Variants in MAF observed in about 807,000 individuals in gnomAD.
MAF encodes the protein transcription factor Maf.
Under a neutral mutation model 22.0 loss-of-function variants are expected in MAF, and 10 were observed. The observed-to-expected ratio is 0.45, with a 90% CI of 0.28 to 0.77. The LOEUF (loss-of-function observed/expected upper bound fraction) is 0.77, where lower values mean the gene tolerates loss of function less well. Among genes scored for constraint, MAF ranks in the 30% least tolerant of loss-of-function variants. The pLI, the probability that MAF is intolerant of heterozygous loss-of-function variation, is 0.12. For missense variants in MAF, 544 were observed against 548.4 expected (o/e 0.99, Z 0.08); for synonymous variants, 337 against 255.8 (o/e 1.32, Z -3.03).
the MAF span, among the ~76,000 whole-genome samples, chr16:79,263,254 T>A: frequency 6.6e-6 from 1 of 152,328 alleles, no homozygotes; most frequent in South Asian, 2.1e-4. Context: ...TCATTGCAAC[T>A]TTCTCACGTT....
the MAF span, chr16:79,211,779 GGCA>G: frequency 4.0e-5 from 65 of 1,613,828 alleles, no homozygotes; most frequent in Non-Finnish European, 4.8e-5. Flanking sequence ...AGAACGGCTT[GGCA>G]GCCAGTCCGG....
the MAF span, among the ~76,000 whole-genome samples, chr16:79,447,821 G>C: frequency 6.8e-6 from 1 of 147,528 alleles, no homozygotes; most frequent in Non-Finnish European, 1.5e-5. Context: ...TTGAGCCCAG[G>C]AGGTGGAGGA....
the MAF span, among the ~76,000 whole-genome samples, chr16:79,234,869 C>G: frequency 6.6e-6 from 1 of 152,082 alleles, no homozygotes; most frequent in African/African-American, 2.4e-5. Context: ...GGGATAGGAG[C>G]AGACCCAGAA....
At chr16:79,313,542 TCAAA>T in the MAF span, among the ~76,000 whole-genome samples, 3 of 152,186 alleles carry the variant, frequency 2.0e-5, no homozygotes, top group Non-Finnish European at 4.4e-5. Context: ...CATTTTGTTC[TCAAA>T]CACTCTGAAT....
At chr16:79,289,169 G>A in the MAF span, among the ~76,000 whole-genome samples, 1 of 152,156 alleles carries the variant, frequency 6.6e-6, no homozygotes, top group African/African-American at 2.4e-5. Flanking sequence ...AGATTGTGGA[G>A]AAACACTGTA....
chr16:79,563,913 C>T, the MAF span, among the ~76,000 whole-genome samples: 28 of 152,358 alleles, frequency 1.8e-4, no homozygotes, highest in African/African-American at 6.0e-4. Context: ...CTCCTCAGGA[C>T]AGGATCACCT....
the MAF span, among the ~76,000 whole-genome samples, chr16:79,543,009 T>C: frequency 4.6e-5 from 7 of 152,284 alleles, no homozygotes; most frequent in African/African-American, 1.7e-4. Flanking sequence ...AGTTATGTTT[T>C]CTCTCTCCAT....
the MAF span, among the ~76,000 whole-genome samples, chr16:79,469,605 AT>A: frequency 6.6e-6 from 1 of 151,874 alleles, no homozygotes; most frequent in Non-Finnish European, 1.5e-5. Context: ...TTTAATTTTT[AT>A]TTTTTTCTGA....
At chr16:79,297,342 G>T in the MAF span, among the ~76,000 whole-genome samples, 4 of 152,206 alleles carry the variant, frequency 2.6e-5, no homozygotes, top group Non-Finnish European at 5.9e-5. Context: ...TTTCATTGAA[G>T]AATTGATTCA....
the MAF span, among the ~76,000 whole-genome samples, chr16:79,357,293 A>T: frequency 1.3e-5 from 2 of 149,110 alleles, no homozygotes; most frequent in East Asian, 4.1e-4. Flanking sequence ...AACAACAACA[A>T]CAACAATTAG....
chr16:79,431,849 G>T, the MAF span, among the ~76,000 whole-genome samples: 1 of 152,184 alleles, frequency 6.6e-6, no homozygotes, highest in African/African-American at 2.4e-5. Flanking sequence ...TGAATGCTCA[G>T]CAGGACTTTG....
downstream of MAF, among the ~76,000 whole-genome samples, chr16:79,582,832 T>C (rs918405456): frequency 2.0e-5 from 3 of 152,198 alleles, no homozygotes. Context: ...TCTCCTTCCC[T>C]TCTTGTGGGT....
At chr16:79,505,433 A>T in the MAF span, among the ~76,000 whole-genome samples, 2 of 152,128 alleles carry the variant, frequency 1.3e-5, no homozygotes, top group Non-Finnish European at 1.5e-5. Flanking sequence ...AGCTTGTCAA[A>T]GGAGGAAGAT....
At chr16:79,522,616 A>G in the MAF span, among the ~76,000 whole-genome samples, 6 of 152,202 alleles carry the variant, frequency 3.9e-5, no homozygotes, top group Non-Finnish European at 1.5e-5. Context: ...AAATGCATGC[A>G]CAGTTCATGC....
At chr16:79,264,220 G>T in the MAF span, among the ~76,000 whole-genome samples, 1 of 152,126 alleles carries the variant, frequency 6.6e-6, no homozygotes, top group African/African-American at 2.4e-5. Flanking sequence ...CAGTCCAGAG[G>T]GGGCAAAAAT....
chr16:79,391,860 A>AAGG, the MAF span, among the ~76,000 whole-genome samples: 389 of 144,904 alleles, frequency 2.7e-3, 4 homozygotes, highest in Middle Eastern at 0.011. Context: ...GAGAGAGAAG[A>AAGG]AGGAGGAGGA....
At chr16:79,404,980 A>G in the MAF span, among the ~76,000 whole-genome samples, 22 of 152,188 alleles carry the variant, frequency 1.4e-4, no homozygotes, top group African/African-American at 4.8e-4. Flanking sequence ...GCTGTTGGTT[A>G]GTACCGAACC....
chr16:79,392,068 A>G, the MAF span, among the ~76,000 whole-genome samples: 1 of 149,796 alleles, frequency 6.7e-6, no homozygotes, highest in Non-Finnish European at 1.5e-5. Context: ...AGAGGAGAAG[A>G]CAGAGGAGAT....
chr16:79,480,764 G>A, the MAF span, among the ~76,000 whole-genome samples: 15 of 152,294 alleles, frequency 9.8e-5, no homozygotes, highest in East Asian at 2.7e-3. Context: ...GACAGACATG[G>A]AAGGTGAGTG....
Sources: gnomAD v4.1 joint callset for allele counts (sites outside exome capture counted in the v4.1 genomes callset) on GRCh38, gnomAD v4.1.1 for gene constraint, MANE v1.5 for transcripts, NCBI Gene and HGNC (gene_info 2026-07-23, HGNC 2026-07-21) for gene names.